The following DACT2 variants were observed in gnomAD, a reference collection of about 807,000 sequenced individuals.
DACT2 encodes dapper homolog 2.
DACT2 carries 20 observed loss-of-function variants against 22.2 expected under a neutral mutation model. The observed-to-expected ratio is 0.90, with a 90% CI of 0.63 to 1.31. The LOEUF (loss-of-function observed/expected upper bound fraction) is 1.31. DACT2 is among the 50% of genes most tolerant of loss of function. DACT2 has a pLI of 0.00. For synonymous variants in DACT2, 463 were observed against 479.8 expected (o/e 0.96, Z 0.46); for missense variants, 1,048 against 1,061.4 (o/e 0.99, Z 0.18).
intron 3 of DACT2, among the ~76,000 whole-genome samples, chr6:168,297,489 C>G (rs1407210806): frequency 6.6e-6 from 1 of 152,182 alleles, no homozygotes; most frequent in African/African-American, 2.4e-5. Context: ...GAGCCACTGG[C>G]TTCTAGAAGC....
chr6:168,305,674 C>T (rs1779191188), downstream of DACT2, among the ~76,000 whole-genome samples: 2 of 152,202 alleles, frequency 1.3e-5, no homozygotes, highest in Admixed American at 6.5e-5. Context: ...AGGACTCAGG[C>T]TACGGGGCTG....
intron 1 of DACT2, among the ~76,000 whole-genome samples, chr6:168,313,598 T>A (rs944418703): frequency 6.6e-6 from 1 of 152,140 alleles, no homozygotes; most frequent in African/African-American, 2.4e-5. Flanking sequence ...GCTGGGTGGA[T>A]CCTTACAGCA....
rs772963996 is a variant in DACT2, at chr6:168,307,038, A to C, written c.*394T>G. The C allele has an allele frequency of 2.0e-5, 20 of 1,016,392 alleles. No homozygotes were observed. Among genetic ancestry groups the C allele is most frequent in the Non-Finnish European group, 2.4e-5 (20 of 849,646 alleles). 63.0% of individuals were successfully genotyped at this position (1,016,392 alleles called of 1,614,324 possible). ...CTCAGAGTCCTGCAACCGCCTCTTT[A>C]AAATGCTTTTGGGGAGGAATGGTCA... On this transcript the variant is annotated 3_prime_UTR_variant, in exon 4 of 4. Coordinates refer to ENST00000366795, the MANE Select transcript of DACT2 (RefSeq NM_214462.5). This position sits in a 1 kb window ranked among gnomAD's most constrained non-coding sequence, Gnocchi z 5.3.
chr6:168,308,086 G>C lies in DACT2; in HGVS notation c.1671C>G (p.Pro557=). Residue 557 remains proline (P), a synonymous_variant, in exon 4 of 4, where the codon CCC becomes CCG. Transcript: ENST00000366795. ...GGGTGGACTCAGAACAGGAGCGCCC[G>C]GGTGCCTCCCAGGCCAGGGCTGGCC... ...QRRPALAWEA[P]GRSCSESTLY... The C allele has an allele frequency of 6.5e-7, 1 of 1,544,716 alleles. No homozygotes were observed. The highest frequency in any genetic ancestry group is 8.7e-7 in the Non-Finnish European group (1 of 1,143,108).
chr6:168,294,075 C>T (rs934062830), intron 5 of DACT2: 7 of 702,984 alleles, frequency 1.0e-5, no homozygotes, highest in East Asian at 2.7e-5. Context: ...CACAGACCCG[C>T]GATGGCAGTT....
chr6:168,295,795 C>T (rs988517618), intron 3 of DACT2, among the ~76,000 whole-genome samples: 6 of 152,316 alleles, frequency 3.9e-5, no homozygotes, highest in Admixed American at 2.0e-4. Context: ...AGAAAAGCTG[C>T]GATATTTGGC....
At chr6:168,301,285 G>A (rs1033560547) in intron 3 of DACT2, among the ~76,000 whole-genome samples, 2 of 152,292 alleles carry the variant, frequency 1.3e-5, no homozygotes, top group Middle Eastern at 3.4e-3. Context: ...CCCAGAGAAC[G>A]GGTCTTTCTA....
At chr6:168,309,277 C>A (rs530399667) in intron 3 of DACT2, among the ~76,000 whole-genome samples, 179 bp from the exon 4 acceptor site, 2 of 150,856 alleles carry the variant, frequency 1.3e-5, no homozygotes, top group East Asian at 3.9e-4. Flanking sequence ...AGACACAGGG[C>A]GCGGGGCAGA....
chr6:168,304,205 G>A (rs1251397063), downstream of DACT2, among the ~76,000 whole-genome samples: 1 of 152,294 alleles, frequency 6.6e-6, no homozygotes, highest in African/African-American at 2.4e-5. Flanking sequence ...GCCTTAGTGG[G>A]CTTCCTGGTT....
rs2114902812 is a variant in DACT2 at position 168,307,352 on chromosome 6, T to C, written c.*80A>G. ...ATAAAGCGACTTGGCAAGACGACAC[T>C]GAAACCCAGACATGCACAGGACACT... On this transcript the variant is annotated 3_prime_UTR_variant, in exon 4 of 4. Transcript: ENST00000366795. This position sits in a 1 kb window ranked among gnomAD's most constrained non-coding sequence, Gnocchi z 5.3. 1 of 1,511,446 alleles carries C rather than the reference T, an allele frequency of 6.6e-7. No homozygotes were observed. Among genetic ancestry groups the C allele is most frequent in the Admixed American group, 2.3e-5 (1 of 43,530 alleles). The allele number at this position is 1,511,446 out of a possible 1,614,324, so 93.6% of individuals were successfully genotyped here.
intron 1 of DACT2, 81 bp from the exon 2 acceptor site, chr6:168,311,365 T>G: frequency 7.0e-7 from 1 of 1,427,652 alleles, no homozygotes; most frequent in African/African-American, 1.4e-5. Flanking sequence ...AAAACATGCA[T>G]TGTGAATGCA....
At chr6:168,292,878 A>G (rs1188418820) in exon 6 of DACT2, 1 of 152,190 alleles carries the variant, frequency 6.6e-6, no homozygotes, top group Non-Finnish European at 1.5e-5. Flanking sequence ...GAAAACCATC[A>G]CAGCTGCTTT....
Position 168,308,707 on chromosome 6 carries a change from G to T in DACT2, c.1050C>A (p.Ser350Arg), listed in dbSNP as rs1247169475. The T allele has an allele frequency of 1.3e-6, 2 of 1,548,664 alleles. No individual in the cohort carries two copies. Among genetic ancestry groups the T allele is most frequent in the Non-Finnish European group, 1.7e-6 (2 of 1,146,866 alleles). ...LWGRETPAKG[S>R]EGEQGPLRHA... is the part of the protein sequence containing the mutation. ...GCCTTAGAGGTCCCTGTTCTCCCTCGCTACCCTTTGCTGGGGTCTCCCGGC... is the reference window on the plus strand; with the variant it reads ...GCCTTAGAGGTCCCTGTTCTCCCTCTCTACCCTTTGCTGGGGTCTCCCGGC... The change falls in exon 4 of 4, where the codon AGC becomes AGA. Residue 350 changes from serine (S) to arginine (R), a missense_variant. Ser to Arg is a moderately radical substitution (Grantham distance 110, BLOSUM62 -1). Coordinates refer to ENST00000366795, the MANE Select transcript of DACT2 (RefSeq NM_214462.5).
At chr6:168,304,702 G>A (rs920262465), downstream of DACT2, among the ~76,000 whole-genome samples, 7 of 152,186 alleles carry the variant, frequency 4.6e-5, no homozygotes, top group Admixed American at 1.3e-4. Context: ...GCCAGCTTAC[G>A]CCTCCTTCCA....
intron 5 of DACT2, chr6:168,293,953 G>A (rs764801720): frequency 8.7e-5 from 61 of 703,312 alleles, no homozygotes; most frequent in African/African-American, 6.5e-4. Flanking sequence ...TGTAAGTGAC[G>A]TCCCCAGGGA....
At chr6:168,309,582 T>C (rs909016445) in intron 3 of DACT2, among the ~76,000 whole-genome samples, 1 of 150,464 alleles carries the variant, frequency 6.6e-6, no homozygotes, top group Admixed American at 6.7e-5. Flanking sequence ...CCTGAGGGCT[T>C]GGAGGCTGAA....
At chr6:168,300,708 C>T (rs1229677651) in intron 3 of DACT2, 2 of 152,102 alleles carry the variant, frequency 1.3e-5, no homozygotes. Flanking sequence ...AACTCTCAGC[C>T]GGGTGTGGTG....
At chr6:168,305,357 C>CGGGCACT (rs71679394), downstream of DACT2, among the ~76,000 whole-genome samples, 14,704 of 152,058 alleles carry the variant, frequency 0.097, 2,193 homozygotes, top group African/African-American at 0.32. Flanking sequence ...TTCTAAAAGA[C>CGGGCACT]GGGCACTGTC....
downstream of DACT2, among the ~76,000 whole-genome samples, chr6:168,303,575 C>G (rs1779148204): frequency 6.6e-6 from 1 of 152,200 alleles, no homozygotes; most frequent in Non-Finnish European, 1.5e-5. Flanking sequence ...AAGGCCTTAT[C>G]AGATGCCACT....
Sources: allele counts gnomAD v4.1 joint callset (sites outside exome capture counted in the v4.1 genomes callset), GRCh38; gene constraint gnomAD v4.1.1; non-coding constraint Gnocchi (gnomAD v3.1); transcripts MANE v1.5; gene names NCBI Gene and HGNC (gene_info 2026-07-23, HGNC 2026-07-21).